ARID1B: variants seen among roughly 807,000 people sequenced by gnomAD.
ARID1B encodes AT-rich interaction domain 1B, also known as AT-rich interactive domain-containing protein 1B.
Under a neutral mutation model 212.3 loss-of-function variants are expected in ARID1B, and 30 were observed. The observed-to-expected ratio is 0.14, with a 90% CI of 0.11 to 0.19. The LOEUF is 0.19. Ranked by LOEUF, ARID1B falls within the 10% of genes least tolerant of loss-of-function variation. The pLI, the probability that ARID1B is intolerant of heterozygous loss-of-function variation, is 1.00. For missense variants in ARID1B, 2,891 were observed against 3,204.0 expected (o/e 0.90, Z 2.36); for synonymous variants, 1,402 against 1,301.7 (o/e 1.08, Z -1.66).
intron 8 of ARID1B, among the ~76,000 whole-genome samples, chr6:157,163,175 G>T (rs572324032): frequency 1.3e-5 from 2 of 152,092 alleles, no homozygotes; most frequent in Non-Finnish European, 2.9e-5. Flanking sequence ...GTCAGAAGGG[G>T]CTCAGCAGCC....
chr6:156,897,697 C>T (rs1026834480), intron 2 of ARID1B, among the ~76,000 whole-genome samples: 3 of 151,588 alleles, frequency 2.0e-5, no homozygotes, highest in African/African-American at 2.4e-5. Flanking sequence ...GAACTGTGTT[C>T]GAGGCAAAGC....
intron 2 of ARID1B, among the ~76,000 whole-genome samples, chr6:156,853,659 G>A (rs1398178856): frequency 6.6e-6 from 1 of 152,136 alleles, no homozygotes; most frequent in East Asian, 1.9e-4. Flanking sequence ...TGAGCTCTGA[G>A]GCTCAGCCCT....
chr6:156,865,257 G>C (rs1401699844), intron 2 of ARID1B, among the ~76,000 whole-genome samples: 3 of 151,992 alleles, frequency 2.0e-5, no homozygotes, highest in African/African-American at 7.3e-5. Flanking sequence ...TCTTAAGAAT[G>C]GTTCAAGAGA....
chr6:157,004,897 C>CTTTTTTTTTTTTTTTTTTTTTTTTTT (rs1177807875), intron 4 of ARID1B, among the ~76,000 whole-genome samples: 5 of 54,710 alleles, frequency 9.1e-5, no homozygotes, highest in Non-Finnish European at 1.5e-4. Context: ...CTTCTTTTTT[C>CTTTTTTTTTTTTTTTTTTTTTTTTTT]TTTTTTTTTT....
In ARID1B at chr6:157,184,248, G is replaced by A. The variant is rs1309720583; in HGVS notation, c.3732G>A (p.Lys1244=). The part of the protein sequence containing the change: ...GGLAQVNKNK[K]WRELATNLNV... ...TTCACTAGGTTAATAAAAACAAGAA[G>A]TGGCGTGAGCTGGCAACCAACCTAA... The change falls in exon 13 of 20, where the codon AAG becomes AAA. Residue 1244 remains lysine, a synonymous_variant. Coordinates refer to ENST00000636930, the MANE Select transcript of ARID1B (RefSeq NM_001374828.1). 2.5e-6 allele frequency: 4 copies of A among 1,606,626 alleles called. No homozygotes were observed. The East Asian group carries it at 8.9e-5, about 36-fold the overall frequency.
chr6:156,930,966 A>G lies in ARID1B; in HGVS notation c.2137-4500A>G, dbSNP rs1015464981. 4.1e-4 allele frequency among the ~76,000 whole-genome samples: 62 copies of G among 152,150 alleles called. 2 individuals carry two copies. The highest frequency in any genetic ancestry group is 1.3e-3 in the African/African-American group (53 of 41,518). On this transcript the variant is annotated intron_variant, in intron 3 of 19. Coordinates refer to ENST00000636930, the MANE Select transcript of ARID1B (RefSeq NM_001374828.1). ...AGCACTTTGGGAGGCCAAGGCGGGC[A>G]GTTCACAAGGTCAGGAGATAGAGAC... is the stretch of plus-strand genomic sequence containing the variant.
chr6:157,192,482 A>G (rs1793451525), intron 15 of ARID1B, among the ~76,000 whole-genome samples: 1 of 152,240 alleles, frequency 6.6e-6, no homozygotes, highest in Admixed American at 6.5e-5. Flanking sequence ...GTGGGGTTAC[A>G]TCAGAAGAAA....
intron 3 of ARID1B, among the ~76,000 whole-genome samples, chr6:156,921,337 T>TA (rs1435511344): frequency 6.6e-6 from 1 of 152,090 alleles, no homozygotes; most frequent in Non-Finnish European, 1.5e-5. Context: ...TAATTGATGA[T>TA]AATTTCAGAT....
chr6:156,872,767 CT>C (rs146186905), intron 2 of ARID1B, among the ~76,000 whole-genome samples: 3,717 of 152,184 alleles, frequency 0.024, 156 homozygotes, highest in African/African-American at 0.084. Context: ...CTTCAGCACC[CT>C]TTTCCAACTG....
At position 157,119,954 on chromosome 6, in the gene ARID1B, A is replaced by G. The variant is rs557757662; in HGVS notation, c.2581+9393A>G. ...CTAACTAGTTTTGTATCTTTGGACT[A>G]TTTGTGAAATGAGGATCATGGATAT... is the stretch of plus-strand genomic sequence containing the variant. On this transcript the variant is annotated intron_variant, in intron 6 of 19. Transcript: ENST00000636930. Among the ~76,000 whole-genome samples, 4 of 152,334 alleles carry G rather than the reference A, an allele frequency of 2.6e-5. No individual in the cohort carries two copies. The East Asian group carries it at 7.7e-4, about 29-fold the overall frequency.
intron 4 of ARID1B, among the ~76,000 whole-genome samples, chr6:157,039,322 CTTT>C (rs1003131791): frequency 2.9e-5 from 3 of 102,950 alleles, no homozygotes; most frequent in African/African-American, 4.0e-5. Flanking sequence ...TTTGACATTT[CTTT>C]TTTTTTTTTT....
chr6:157,142,440 A>G (rs1789427732), intron 7 of ARID1B, among the ~76,000 whole-genome samples: 2 of 152,172 alleles, frequency 1.3e-5, no homozygotes, highest in Admixed American at 1.3e-4. Flanking sequence ...AGCCCGGGCA[A>G]CATGACAAAA....
chr6:157,191,894 A>C (rs1398087295), intron 15 of ARID1B, among the ~76,000 whole-genome samples: 2 of 152,248 alleles, frequency 1.3e-5, no homozygotes, highest in Non-Finnish European at 2.9e-5. Flanking sequence ...AGAAGCATAA[A>C]GCCCAAAGCC....
At chr6:156,821,235 G>T (rs1187535939) in intron 1 of ARID1B, among the ~76,000 whole-genome samples, 1 of 152,208 alleles carries the variant, frequency 6.6e-6, no homozygotes, top group Non-Finnish European at 1.5e-5. Flanking sequence ...AGATGGGGAG[G>T]TGGGGTTTAG....
intron 13 of ARID1B, chr6:157,186,737 C>T (rs577282111): frequency 2.9e-6 from 1 of 342,136 alleles, no homozygotes; most frequent in East Asian, 8.1e-5. Flanking sequence ...TTATTTTTTA[C>T]CAGCACATTC....
chr6:157,147,944 C>T (rs1329936312), intron 7 of ARID1B, among the ~76,000 whole-genome samples: 1 of 135,322 alleles, frequency 7.4e-6, no homozygotes, highest in Non-Finnish European at 1.6e-5. Context: ...TTTGACCCTG[C>T]CCGCCAGCTC....
At position 156,926,496 on chromosome 6, in the gene ARID1B, C is replaced by A. The variant is rs569278711; in HGVS notation, c.2137-8970C>A. The stretch of plus-strand genomic sequence containing the variant: ...GTCAGTCTCAGCCCCACTCTAGGTT[C>A]ATGAAGTTGCCTTTCATACCATTAA... On this transcript the variant is annotated intron_variant, in intron 3 of 19. Coordinates refer to ENST00000636930, the MANE Select transcript of ARID1B (RefSeq NM_001374828.1). 7.7e-4 allele frequency among the ~76,000 whole-genome samples: 117 copies of A among 152,238 alleles called. 2 individuals are homozygous for A. Among genetic ancestry groups the A allele is most frequent in the African/African-American group, 2.7e-3 (114 of 41,538 alleles).
chr6:157,022,373 G>A (rs185940821), intron 4 of ARID1B: 1 of 152,430 alleles, frequency 6.6e-6, no homozygotes, highest in East Asian at 1.9e-4. Context: ...TAAAAGCCGA[G>A]AAACGCCTAG....
chr6:157,004,916 T>G (rs200178896), intron 4 of ARID1B, among the ~76,000 whole-genome samples: 20,038 of 116,308 alleles, frequency 0.17, 1,881 homozygotes, highest in South Asian at 0.36. Flanking sequence ...TTTTTTTTTT[T>G]TTTTTTTTTT....
Sources: allele counts gnomAD v4.1 joint callset (sites outside exome capture counted in the v4.1 genomes callset), GRCh38; gene constraint gnomAD v4.1.1; transcripts MANE v1.5; gene names NCBI Gene and HGNC (gene_info 2026-07-23, HGNC 2026-07-21).